TTC6: variants seen among roughly 807,000 people sequenced by gnomAD.
TTC6 encodes the protein tetratricopeptide repeat protein 6.
TTC6 carries 172 observed loss-of-function variants against 210.4 expected under a neutral mutation model. That is an observed-to-expected ratio of 0.82 (90% CI 0.72 to 0.93). The LOEUF (loss-of-function observed/expected upper bound fraction) is 0.93. Among genes scored for constraint, TTC6 ranks in the 40% least tolerant of loss-of-function variants. The pLI, the probability that TTC6 is intolerant of heterozygous loss-of-function variation, is 0.00. For synonymous variants in TTC6, 804 were observed against 819.6 expected (o/e 0.98, Z 0.32); for missense variants, 2,414 against 2,318.1 (o/e 1.04, Z -0.85).
intron 14 of TTC6, among the ~76,000 whole-genome samples, chr14:37,783,606 A>G (rs1476298610): frequency 6.6e-6 from 1 of 151,860 alleles, no homozygotes; most frequent in East Asian, 1.9e-4. Context: ...GATTTTTTGA[A>G]GGATTTTTTG....
chr14:37,785,120 G>C (rs1363820178), intron 14 of TTC6, among the ~76,000 whole-genome samples: 1 of 152,128 alleles, frequency 6.6e-6, no homozygotes, highest in Non-Finnish European at 1.5e-5. Flanking sequence ...TCTTCTCAAG[G>C]GGTATCTTTG....
chr14:37,716,024 G>T (rs201059842), intron 6 of TTC6, among the ~76,000 whole-genome samples: 3 of 58,238 alleles, frequency 5.2e-5, no homozygotes, highest in Non-Finnish European at 1.4e-4. Flanking sequence ...GGTTGTAACA[G>T]AATATAGAGG....
At chr14:37,772,866 ATCC>A (rs2096024665) in intron 14 of TTC6, among the ~76,000 whole-genome samples, 1 of 152,158 alleles carries the variant, frequency 6.6e-6, no homozygotes, top group Admixed American at 6.5e-5. Context: ...ACTAGTTTAC[ATCC>A]CCACTAGCAG....
At chr14:37,768,493 G>A (rs952943742) in intron 14 of TTC6, among the ~76,000 whole-genome samples, 6 of 152,152 alleles carry the variant, frequency 3.9e-5, no homozygotes, top group Non-Finnish European at 8.8e-5. Flanking sequence ...GTGGTTTGTA[G>A]TTCTCCTTGA....
intron 14 of TTC6, among the ~76,000 whole-genome samples, chr14:37,781,562 C>G (rs61977155): frequency 0.16 from 25,028 of 152,094 alleles, 2,247 homozygotes; most frequent in East Asian, 0.37. Context: ...AAAATTTTCT[C>G]CCATTCTGTA....
At chr14:37,645,462 G>C (rs1451668577) in intron 1 of TTC6, among the ~76,000 whole-genome samples, 1 of 152,152 alleles carries the variant, frequency 6.6e-6, no homozygotes, top group East Asian at 1.9e-4. Flanking sequence ...AGGAGGCAGA[G>C]AGCAAACAAA....
intron 27 of TTC6, 96 bp downstream of exon 29, chr14:37,824,053 G>A: frequency 4.4e-6 from 5 of 1,133,526 alleles, no homozygotes; most frequent in Non-Finnish European, 6.4e-6. Flanking sequence ...TTATTTCTTT[G>A]GTTATGAACA....
intron 10 of TTC6, among the ~76,000 whole-genome samples, chr14:37,742,746 A>ACTCT (rs2095924584): frequency 1.3e-5 from 2 of 151,730 alleles, no homozygotes; most frequent in Non-Finnish European, 2.9e-5. Flanking sequence ...TTCATTTATC[A>ACTCT]CTCTGCTTCT....
chr14:37,622,759 G>A (rs1566845084), exon 1 of TTC6: 1 of 1,534,922 alleles, frequency 6.5e-7, no homozygotes, highest in Non-Finnish European at 8.7e-7. Flanking sequence ...AACTTCGTGA[G>A]CGAGAGCGGG....
At chr14:37,645,746 G>A (rs909630880) in intron 1 of TTC6, among the ~76,000 whole-genome samples, 2 of 152,118 alleles carry the variant, frequency 1.3e-5, no homozygotes, top group African/African-American at 4.8e-5. Flanking sequence ...GGGGATCTTT[G>A]AATGGGGAGT....
At chr14:37,635,319 A>G (rs566033402) in intron 1 of TTC6, among the ~76,000 whole-genome samples, 2 of 152,342 alleles carry the variant, frequency 1.3e-5, no homozygotes, top group South Asian at 4.1e-4. Context: ...AAGGTATACA[A>G]AGCGATTCAC....
chr14:37,795,403 A>G, intron 18 of TTC6, 51 bp downstream of exon 20: 1 of 1,244,788 alleles, frequency 8.0e-7, no homozygotes, highest in Non-Finnish European at 1.1e-6. Flanking sequence ...CATCAGAGAA[A>G]TTGAATGGGG....
At chr14:37,751,823 CTT>C (rs71127240) in intron 13 of TTC6, among the ~76,000 whole-genome samples, 4 of 125,492 alleles carry the variant, frequency 3.2e-5, no homozygotes, top group African/African-American at 3.0e-5. Context: ...AGGAAATGAA[CTT>C]TTTTTTTTTT....
intron 6 of TTC6, among the ~76,000 whole-genome samples, chr14:37,716,944 A>C (rs2138776183): frequency 6.6e-6 from 1 of 152,240 alleles, no homozygotes; most frequent in East Asian, 1.9e-4. Flanking sequence ...GGAAGATAAC[A>C]AAAATCTCCA....
chr14:37,804,896 C>G (rs769664275), intron 21 of TTC6, 82 bp downstream of exon 23: 59 of 1,521,682 alleles, frequency 3.9e-5, no homozygotes, highest in Non-Finnish European at 5.1e-5. Context: ...CTGAAGGCCA[C>G]CTATACAGTG....
chr14:37,816,715 C>A (rs987315173), intron 25 of TTC6, among the ~76,000 whole-genome samples: 3 of 152,084 alleles, frequency 2.0e-5, no homozygotes, highest in African/African-American at 7.2e-5. Context: ...ATGTAAATAT[C>A]ATGCAGTTGA....
chr14:37,841,450 T>C (rs1475939244), exon 30 of TTC6: 1 of 1,586,998 alleles, frequency 6.3e-7, no homozygotes, highest in South Asian at 1.2e-5. Flanking sequence ...TGTAGGCCAG[T>C]GACTACTTCT....
At chr14:37,824,034 G>A in intron 27 of TTC6, 77 bp downstream of exon 29, 1 of 1,279,370 alleles carries the variant, frequency 7.8e-7, no homozygotes, top group Non-Finnish European at 1.1e-6. Flanking sequence ...CTGGCAATGG[G>A]AGTATATGTT....
chr14:37,749,781 A>G (rs143786564), exon 12 of TTC6: 34,155 of 1,464,598 alleles, frequency 0.023, 489 homozygotes, highest in South Asian at 0.035. Flanking sequence ...CTTTTCCAAG[A>G]CAAAATTAAT....
Sources: gnomAD v4.1 joint callset for allele counts (sites outside exome capture counted in the v4.1 genomes callset) on GRCh38, gnomAD v4.1.1 for gene constraint, MANE v1.5 for transcripts, NCBI Gene and HGNC (gene_info 2026-07-23, HGNC 2026-07-21) for gene names.